CCDC125: variants seen among roughly 807,000 people sequenced by gnomAD.
CCDC125 encodes coiled-coil domain containing 125, also known as coiled-coil domain-containing protein 125.
CCDC125 carries 43 observed loss-of-function variants against 57.4 expected under a neutral mutation model. The ratio of observed to expected loss-of-function variants is 0.75; its 90% CI spans 0.59 to 0.97. The LOEUF (loss-of-function observed/expected upper bound fraction) is 0.97. Ranked by LOEUF, CCDC125 falls within the 50% of genes least tolerant of loss-of-function variation. The pLI is 0.00. For missense variants in CCDC125, 563 were observed against 595.7 expected (o/e 0.95, Z 0.57); for synonymous variants, 187 against 195.2 (o/e 0.96, Z 0.35).
chr5:69,273,580 A>G, the CCDC125 span, among the ~76,000 whole-genome samples: 1 of 152,194 alleles, frequency 6.6e-6, no homozygotes, highest in East Asian at 1.9e-4. Context: ...GAAATAAAAC[A>G]AAAACTGAAA....
At chr5:69,331,864 G>A (rs1190442349) in intron 1 of CCDC125, among the ~76,000 whole-genome samples, 1 of 152,206 alleles carries the variant, frequency 6.6e-6, no homozygotes, top group Non-Finnish European at 1.5e-5. Context: ...AGTCTTCCCA[G>A]TTCTGGGAGG....
chr5:69,298,805 C>T (rs775272290), intron 8 of CCDC125, among the ~76,000 whole-genome samples: 3 of 152,176 alleles, frequency 2.0e-5, no homozygotes, highest in Non-Finnish European at 4.4e-5. Flanking sequence ...TGCTATTATA[C>T]TAGTTTTCCA....
At chr5:69,289,384 G>C (rs1043604219) in intron 10 of CCDC125, among the ~76,000 whole-genome samples, 1 of 152,194 alleles carries the variant, frequency 6.6e-6, no homozygotes. Context: ...GTCCGTGGTA[G>C]AACCAGGTAT....
chr5:69,278,337 C>G (rs911793061), downstream of CCDC125, among the ~76,000 whole-genome samples: 1 of 151,466 alleles, frequency 6.6e-6, no homozygotes, highest in Non-Finnish European at 1.5e-5. Context: ...TCCCAAGTAG[C>G]TGGGGTTACA....
At chr5:69,327,377 A>G (rs1248682978) in intron 1 of CCDC125, among the ~76,000 whole-genome samples, 2 of 152,144 alleles carry the variant, frequency 1.3e-5, no homozygotes, top group Non-Finnish European at 2.9e-5. Flanking sequence ...TACAGGCATG[A>G]GCCACCCCGC....
chr5:69,332,030 G>A (rs776882270), intron 1 of CCDC125, among the ~76,000 whole-genome samples: 1 of 152,166 alleles, frequency 6.6e-6, no homozygotes. Context: ...ATTCCTGCCC[G>A]GAAACCTTTG....
At chr5:69,320,069 C>T (rs959999634) in intron 2 of CCDC125, among the ~76,000 whole-genome samples, 168 bp downstream of exon 2, 2 of 151,944 alleles carry the variant, frequency 1.3e-5, no homozygotes, top group Admixed American at 6.6e-5. Flanking sequence ...TGCAGTGAGC[C>T]GAGATCGCGT....
chr5:69,316,355 A>G (rs185547546), intron 2 of CCDC125, among the ~76,000 whole-genome samples: 76 of 152,318 alleles, frequency 5.0e-4, no homozygotes, highest in African/African-American at 1.8e-3. Flanking sequence ...CTTATACATG[A>G]AAGAGGGAGA....
At chr5:69,278,976 TC>T (rs1752335223), downstream of CCDC125, among the ~76,000 whole-genome samples, 1 of 150,144 alleles carries the variant, frequency 6.7e-6, no homozygotes, top group Non-Finnish European at 1.5e-5. Flanking sequence ...CAGGTGATCC[TC>T]CTACCTTAGC....
At chr5:69,292,877 G>A (rs1754688474) in intron 9 of CCDC125, among the ~76,000 whole-genome samples, 1 of 145,620 alleles carries the variant, frequency 6.9e-6, no homozygotes, top group African/African-American at 2.6e-5. Context: ...GTCTCGCTCT[G>A]TCGCCCAGGC....
chr5:69,311,090 T>C (rs1337651098), intron 4 of CCDC125, 28 bp downstream of exon 4: 2 of 1,424,438 alleles, frequency 1.4e-6, no homozygotes, highest in South Asian at 1.2e-5. Flanking sequence ...AATGTGTAAA[T>C]GGTGAAAGTT....
chr5:69,286,222 AT>A (rs1561402856), intron 10 of CCDC125, among the ~76,000 whole-genome samples: 348 of 95,406 alleles, frequency 3.6e-3, no homozygotes, highest in African/African-American at 0.013. Context: ...ATATATATAT[AT>A]ATATATATAT....
intron 5 of CCDC125, chr5:69,307,696 A>AC: frequency 2.4e-6 from 1 of 421,880 alleles, no homozygotes; most frequent in Non-Finnish European, 4.3e-6. Context: ...AAAAAAAAAA[A>AC]GAAGAAGAAA....
chr5:69,302,942 A>C (rs1041572302), intron 7 of CCDC125, among the ~76,000 whole-genome samples: 2 of 152,174 alleles, frequency 1.3e-5, no homozygotes, highest in African/African-American at 4.8e-5. Context: ...AATAGGTAGG[A>C]GATTTTACTT....
chr5:69,331,587 C>A (rs962072107), intron 1 of CCDC125, among the ~76,000 whole-genome samples: 1 of 152,194 alleles, frequency 6.6e-6, no homozygotes, highest in African/African-American at 2.4e-5. Context: ...AAGTGTCACC[C>A]TGTTTTCTAC....
intron 7 of CCDC125, among the ~76,000 whole-genome samples, 175 bp downstream of exon 7, chr5:69,303,672 G>A (rs912329595): frequency 2.0e-5 from 3 of 151,966 alleles, no homozygotes; most frequent in African/African-American, 7.3e-5. Flanking sequence ...GCCAGGAATT[G>A]TTCACTTTTA....
Position 69,303,869 on chromosome 5 carries a change from T to A in CCDC125, c.678A>T (p.Lys226Asn), listed in dbSNP as rs1368317057. The change falls in exon 7 of 12, where the codon AAA becomes AAT. Residue 226 changes from lysine to asparagine, a missense_variant. By Grantham distance (94) the Lys-to-Asn change is moderately conservative (BLOSUM62 0). Transcript: ENST00000396496. ...TACCTGCATTGTCAGACTTCAGCAT[T>A]TTAATTTCTTCTGTTTTCACTTTCA... ...ENLKVKTEEI[K>N]MLKSDNAVLN... 6.2e-7 allele frequency: 1 copy of A among 1,605,026 alleles called. No individual in the cohort carries two copies. Among genetic ancestry groups the A allele is most frequent in the South Asian group, 1.1e-5 (1 of 89,758 alleles).
intron 6 of CCDC125, among the ~76,000 whole-genome samples, chr5:69,305,057 T>C (rs2150460630): frequency 6.7e-6 from 1 of 150,128 alleles, no homozygotes; most frequent in Admixed American, 6.6e-5. Flanking sequence ...ACCAACAAAG[T>C]ATTTCATGGA....
intron 1 of CCDC125, among the ~76,000 whole-genome samples, chr5:69,326,846 T>C (rs1344196211): frequency 1.3e-5 from 2 of 151,938 alleles, no homozygotes; most frequent in African/African-American, 2.4e-5. Context: ...AGCCTAGTAG[T>C]TCAGACCAGC....
Sources: allele counts gnomAD v4.1 joint callset (sites outside exome capture counted in the v4.1 genomes callset), GRCh38; gene constraint gnomAD v4.1.1; transcripts MANE v1.5; gene names NCBI Gene and HGNC (gene_info 2026-07-23, HGNC 2026-07-21).